Variants in GRM8 observed in about 807,000 individuals in gnomAD.
GRM8 encodes the protein glutamate metabotropic receptor 8.
A neutral mutation model predicts 87.2 loss-of-function variants in GRM8; 47 were observed. That is an observed-to-expected ratio of 0.54 (90% CI 0.43 to 0.69). The LOEUF (loss-of-function observed/expected upper bound fraction) is 0.69. GRM8 is among the 30% of genes least tolerant of loss of function. GRM8 has a pLI of 0.00. For synonymous variants in GRM8, 396 were observed against 404.5 expected, an observed-to-expected ratio of 0.98 and a Z score of 0.25; for missense variants, 1,019 against 1,139.2, an observed-to-expected ratio of 0.89 and a Z score of 1.52.
chr7:127,194,737 G>C (rs1587246566), intron 2 of GRM8, among the ~76,000 whole-genome samples: 1 of 152,210 alleles, frequency 6.6e-6, no homozygotes, highest in Non-Finnish European at 1.5e-5. Context: ...CAAGTAATGA[G>C]ACTGATTTTG....
chr7:127,167,461 T>C (rs1262144537), intron 2 of GRM8, among the ~76,000 whole-genome samples: 1 of 152,114 alleles, frequency 6.6e-6, no homozygotes, highest in Non-Finnish European at 1.5e-5. Flanking sequence ...TTTTCACAAA[T>C]TTAAGGTCTG....
chr7:127,053,485 T>C (rs1260265932), intron 3 of GRM8, among the ~76,000 whole-genome samples: 1 of 152,206 alleles, frequency 6.6e-6, no homozygotes, highest in African/African-American at 2.4e-5. Flanking sequence ...TATACATATA[T>C]GTGTATTTCA....
chr7:126,700,724 T>C (rs898017672), intron 7 of GRM8, among the ~76,000 whole-genome samples: 3 of 152,138 alleles, frequency 2.0e-5, no homozygotes, highest in African/African-American at 7.2e-5. Flanking sequence ...GTCCATTACA[T>C]ATATTTTTAA....
At position 127,051,130 on chromosome 7, in the gene GRM8, C is replaced by T. The variant is rs974070184; in HGVS notation, c.727+55366G>A. ...TAGTCAATTGGAACCCACAAGTCAACTCCTAGATAGATGCCTTAGTGGCTC... is the reference window on the plus strand; with the variant it reads ...TAGTCAATTGGAACCCACAAGTCAATTCCTAGATAGATGCCTTAGTGGCTC... On this transcript the variant is annotated intron_variant, in intron 3 of 10. Coordinates refer to ENST00000339582, the MANE Select transcript of GRM8 (RefSeq NM_000845.3). 7.2e-5 allele frequency among the ~76,000 whole-genome samples: 11 copies of T among 152,276 alleles called. No homozygotes were observed. In the East Asian group the frequency reaches 1.9e-3, roughly 27 times the overall value.
At chr7:127,241,713 G>A (rs1162186199) in intron 2 of GRM8, among the ~76,000 whole-genome samples, 2 of 152,122 alleles carry the variant, frequency 1.3e-5, no homozygotes, top group Non-Finnish European at 2.9e-5. Context: ...GGGATTACAG[G>A]CGTGAGCCAC....
intron 7 of GRM8, among the ~76,000 whole-genome samples, chr7:126,623,294 AAG>A (rs2151148133): frequency 6.6e-6 from 1 of 152,272 alleles, no homozygotes; most frequent in Non-Finnish European, 1.5e-5. Context: ...TTTTCTTAAA[AAG>A]TCTAAATTTT....
intron 6 of GRM8, among the ~76,000 whole-genome samples, chr7:126,817,555 G>A (rs1238595265): frequency 6.6e-6 from 1 of 152,126 alleles, no homozygotes; most frequent in Non-Finnish European, 1.5e-5. Flanking sequence ...TTTATTTACT[G>A]AGGATTATCG....
intron 8 of GRM8, among the ~76,000 whole-genome samples, chr7:126,540,331 T>C (rs1243308253): frequency 6.6e-6 from 1 of 152,152 alleles, no homozygotes; most frequent in Non-Finnish European, 1.5e-5. Context: ...TGGAATTCTT[T>C]GCATTGCTGT....
intron 9 of GRM8, among the ~76,000 whole-genome samples, chr7:126,470,334 TC>T (rs1391562379): frequency 1.3e-4 from 11 of 85,478 alleles, no homozygotes; most frequent in Non-Finnish European, 2.0e-4. Context: ...ATGCTATCCC[TC>T]CCCCCTCCCC....
intron 9 of GRM8, among the ~76,000 whole-genome samples, chr7:126,491,851 G>T (rs1180586349): frequency 6.6e-6 from 1 of 152,008 alleles, no homozygotes; most frequent in East Asian, 1.9e-4. Flanking sequence ...ATAAATTTCA[G>T]AATATTTTAA....
At chr7:127,150,436 ACAAAGGCAT>A (rs2133311130) in intron 2 of GRM8, among the ~76,000 whole-genome samples, 1 of 152,204 alleles carries the variant, frequency 6.6e-6, no homozygotes, top group East Asian at 1.9e-4. Context: ...AGAAAAGAAG[ACAAAGGCAT>A]CAGGCTGTCC....
intron 9 of GRM8, among the ~76,000 whole-genome samples, chr7:126,516,070 T>C (rs975377665): frequency 6.6e-6 from 1 of 152,106 alleles, no homozygotes; most frequent in Non-Finnish European, 1.5e-5. Context: ...TAGAATTTTA[T>C]TAAATTCTTA....
intron 8 of GRM8, among the ~76,000 whole-genome samples, chr7:126,536,744 G>T (rs1053677070): frequency 7.9e-5 from 12 of 151,888 alleles, no homozygotes; most frequent in Non-Finnish European, 1.2e-4. Context: ...ATTTTTGAAG[G>T]TTATATTTAA....
chr7:126,798,638 C>A (rs941682541), intron 6 of GRM8, among the ~76,000 whole-genome samples: 1 of 152,220 alleles, frequency 6.6e-6, no homozygotes. Flanking sequence ...TGCCTAGTAG[C>A]GGGCCTTTGT....
intron 9 of GRM8, among the ~76,000 whole-genome samples, chr7:126,452,290 G>A (rs1307452550): frequency 7.6e-6 from 1 of 131,204 alleles, no homozygotes; most frequent in South Asian, 2.9e-4. Context: ...GTTGTGGGGT[G>A]GGGGGAGGGG....
intron 2 of GRM8, among the ~76,000 whole-genome samples, chr7:127,110,061 G>A (rs950073790): frequency 6.6e-6 from 1 of 152,118 alleles, no homozygotes. Flanking sequence ...CACTGGCTCT[G>A]TTTCTCCACC....
chr7:127,231,726 T>C lies in GRM8; in HGVS notation c.510+10969A>G, dbSNP rs150407153. Among the ~76,000 whole-genome samples the C allele has an allele frequency of 8.6e-3, 1,305 of 152,192 alleles. 10 individuals carry two copies. Among genetic ancestry groups the C allele is most frequent in the Non-Finnish European group, 0.013 (913 of 67,994 alleles). ...CCTGTGTTTCTGTCCTTACCACACA[T>C]GGAAAAGAAAGGGAATTCCAACCCA... On this transcript the variant is annotated intron_variant, in intron 2 of 10. Transcript: ENST00000339582.
chr7:127,194,564 A>G (rs1285320700), intron 2 of GRM8, among the ~76,000 whole-genome samples: 1 of 152,198 alleles, frequency 6.6e-6, no homozygotes, highest in Non-Finnish European at 1.5e-5. Context: ...TATCTGTTCA[A>G]GCACCAAATA....
chr7:126,583,033 A>T (rs575847976), intron 8 of GRM8, among the ~76,000 whole-genome samples: 1 of 152,154 alleles, frequency 6.6e-6, no homozygotes. Flanking sequence ...TCAAGGAGTA[A>T]TATTGAATTT....
Sources: allele counts gnomAD v4.1 joint callset (sites outside exome capture counted in the v4.1 genomes callset), GRCh38; gene constraint gnomAD v4.1.1; transcripts MANE v1.5; gene names NCBI Gene and HGNC (gene_info 2026-07-23, HGNC 2026-07-21).